The following PTPRR variants were observed in gnomAD, a reference collection of about 807,000 sequenced individuals.
PTPRR encodes the protein protein tyrosine phosphatase receptor type R, also known as receptor-type tyrosine-protein phosphatase R.
A neutral mutation model predicts 77.2 loss-of-function variants in PTPRR; 38 were observed. That is an observed-to-expected ratio of 0.49 (90% CI 0.38 to 0.65). PTPRR has a LOEUF of 0.65. Among genes scored for constraint, PTPRR ranks in the 30% least tolerant of loss-of-function variants. The pLI is 0.00. For missense variants in PTPRR, 744 were observed against 799.2 expected, an observed-to-expected ratio of 0.93 and a Z score of 0.83; for synonymous variants, 299 against 283.1, an observed-to-expected ratio of 1.06 and a Z score of -0.57.
chr12:70,740,893 A>AAC (rs1323577721), intron 6 of PTPRR, among the ~76,000 whole-genome samples: 2 of 151,778 alleles, frequency 1.3e-5, no homozygotes, highest in South Asian at 2.1e-4. Flanking sequence ...GCACCATTAG[A>AAC]ACACACATAT....
intron 2 of PTPRR, among the ~76,000 whole-genome samples, chr12:70,874,512 A>G (rs568645727): frequency 6.6e-6 from 1 of 152,238 alleles, no homozygotes; most frequent in Non-Finnish European, 1.5e-5. Context: ...CCTTTCAGTC[A>G]CAAAAACAAA....
At chr12:70,829,179 G>C (rs144335528) in intron 2 of PTPRR, among the ~76,000 whole-genome samples, 13 of 151,020 alleles carry the variant, frequency 8.6e-5, no homozygotes, top group Non-Finnish European at 1.6e-4. Flanking sequence ...GCACATAATA[G>C]GCATTCAATG....
chr12:70,871,519 G>C (rs1229308478), intron 2 of PTPRR, among the ~76,000 whole-genome samples: 1 of 152,114 alleles, frequency 6.6e-6, no homozygotes, highest in Admixed American at 6.5e-5. Context: ...ACAAGGGTAG[G>C]AATCTACAGT....
At chr12:70,761,960 AG>A (rs1890701796) in intron 3 of PTPRR, among the ~76,000 whole-genome samples, 1 of 152,218 alleles carries the variant, frequency 6.6e-6, no homozygotes. Flanking sequence ...TTATGTTTAA[AG>A]AAGCATTTTA....
intron 2 of PTPRR, among the ~76,000 whole-genome samples, chr12:70,796,164 T>C (rs895022127): frequency 6.6e-6 from 1 of 152,040 alleles, no homozygotes; most frequent in Non-Finnish European, 1.5e-5. Context: ...CCTCAGGTGA[T>C]CCACCTGCCT....
intron 2 of PTPRR, among the ~76,000 whole-genome samples, chr12:70,873,989 C>T (rs144674137): frequency 6.6e-6 from 1 of 152,130 alleles, no homozygotes; most frequent in Non-Finnish European, 1.5e-5. Flanking sequence ...CTGCTATGTG[C>T]TAAGTGGGTT....
intron 2 of PTPRR, among the ~76,000 whole-genome samples, chr12:70,871,126 C>T (rs971495279): frequency 1.3e-5 from 2 of 152,128 alleles, no homozygotes; most frequent in South Asian, 4.1e-4. Context: ...GGGTTGTAGG[C>T]TCTGCTTGAG....
At chr12:70,857,307 G>A (rs1470202738) in intron 2 of PTPRR, among the ~76,000 whole-genome samples, 2 of 152,028 alleles carry the variant, frequency 1.3e-5, no homozygotes, top group East Asian at 1.9e-4. Flanking sequence ...AAGAAGGGAG[G>A]AGTCAACAGT....
chr12:70,877,303 GATTTACTCCAAA>G (rs1945938730), intron 2 of PTPRR, among the ~76,000 whole-genome samples: 1 of 152,110 alleles, frequency 6.6e-6, no homozygotes, highest in Non-Finnish European at 1.5e-5. Context: ...ACACTTCTAA[GATTTACTCCAAA>G]ATCAGAGTAG....
intron 6 of PTPRR, among the ~76,000 whole-genome samples, chr12:70,726,103 T>A (rs1049156098): frequency 9.9e-5 from 15 of 152,158 alleles, no homozygotes; most frequent in Admixed American, 8.5e-4. Context: ...GATGCTTTTT[T>A]TTTTTGCAGT....
At chr12:70,681,331 G>A (rs1443718479) in intron 10 of PTPRR, among the ~76,000 whole-genome samples, 1 of 152,186 alleles carries the variant, frequency 6.6e-6, no homozygotes, top group African/African-American at 2.4e-5. Context: ...GATACAATGT[G>A]GGCTCCTTCT....
intron 2 of PTPRR, among the ~76,000 whole-genome samples, chr12:70,824,307 T>C (rs1892072401): frequency 1.3e-5 from 2 of 152,182 alleles, no homozygotes; most frequent in South Asian, 4.2e-4. Context: ...AATACTTTTC[T>C]TTTTTGGTAA....
chr12:70,641,225 C>T (rs779731802), intron 13 of PTPRR, among the ~76,000 whole-genome samples: 1 of 152,178 alleles, frequency 6.6e-6, no homozygotes, highest in Non-Finnish European at 1.5e-5. Flanking sequence ...CTGGCATTTG[C>T]ACAGCTCAGG....
chr12:70,853,665 C>A (rs1179906736), intron 2 of PTPRR, among the ~76,000 whole-genome samples: 1 of 152,266 alleles, frequency 6.6e-6, no homozygotes, highest in East Asian at 1.9e-4. Flanking sequence ...CCTATTGTGC[C>A]TATCCCAGGA....
intron 2 of PTPRR, among the ~76,000 whole-genome samples, chr12:70,851,823 G>A (rs1042497088): frequency 3.9e-5 from 6 of 152,186 alleles, no homozygotes; most frequent in African/African-American, 1.4e-4. Flanking sequence ...AGAAGTACAC[G>A]CTGGAATTAT....
Position 70,751,765 on chromosome 12 carries a change from C to T in PTPRR, c.738+2426G>A, listed in dbSNP as rs61932483. Among the ~76,000 whole-genome samples, 551 of 152,224 alleles carry T rather than the reference C, an allele frequency of 3.6e-3. 1 individual carries two copies. The highest frequency in any genetic ancestry group is 6.8e-3 in the Middle Eastern group (2 of 294). On this transcript the variant is annotated intron_variant, in intron 5 of 13. Coordinates refer to ENST00000283228, the MANE Select transcript of PTPRR (RefSeq NM_002849.4). Reference sequence around the variant, plus strand: ...ACCAAGTTCTCACATACCCTTCTTCCCTATCTCTTCATTTTCCCGTTATTA... The same window carrying T: ...ACCAAGTTCTCACATACCCTTCTTCTCTATCTCTTCATTTTCCCGTTATTA...
intron 2 of PTPRR, among the ~76,000 whole-genome samples, chr12:70,794,344 T>A (rs538835980): frequency 6.6e-6 from 1 of 152,214 alleles, no homozygotes; most frequent in Admixed American, 6.5e-5. Flanking sequence ...GAGCTAGAAA[T>A]AGTGATGTGT....
chr12:70,761,549 C>T lies in PTPRR; in HGVS notation c.549G>A (p.Glu183=). 3 of 1,612,462 alleles carry T rather than the reference C, an allele frequency of 1.9e-6. No homozygotes were observed. Among genetic ancestry groups the T allele is most frequent in the South Asian group, 2.2e-5 (2 of 90,868 alleles). The change falls in exon 4 of 14, where the codon GAG becomes GAA. Residue 183 remains glutamate, a synonymous_variant. Coordinates refer to ENST00000283228, the MANE Select transcript of PTPRR (RefSeq NM_002849.4). The part of the protein sequence containing the change: ...KTGISDALPS[E]EVLRSLNINV... Reference sequence around the variant, plus strand: ...TGATATTAAGTGAACGAAGAACTTCCTCAGAGGGCAGAGCATCAGAAATTC... The same window carrying T: ...TGATATTAAGTGAACGAAGAACTTCTTCAGAGGGCAGAGCATCAGAAATTC...
rs764258493 is a variant in PTPRR, at chr12:70,746,062, A to G, written c.763T>C (p.Phe255Leu). Reference sequence around the variant, plus strand: ...TTGTCTTGTCTTAAGGAAAGCTGAAATCTTTCTTTTAATCTGTAAAGAATC... The same window carrying G: ...TTGTCTTGTCTTAAGGAAAGCTGAAGTCTTTCTTTTAATCTGTAAAGAATC... ...LMILYRLKER[F>L]QLSLRQDKEK... Residue 255 changes from phenylalanine (F) to leucine (L), a missense_variant, in exon 6 of 14, where the codon TTT (phenylalanine) becomes CTT (leucine). By Grantham distance (22) the Phe-to-Leu change is conservative. Transcript: ENST00000283228. 1 of 1,612,714 alleles carries G rather than the reference A, an allele frequency of 6.2e-7. No homozygotes were observed. Among genetic ancestry groups the G allele is most frequent in the Non-Finnish European group, 8.5e-7 (1 of 1,178,972 alleles).
Sources: gnomAD v4.1 joint callset for allele counts (sites outside exome capture counted in the v4.1 genomes callset) on GRCh38, gnomAD v4.1.1 for gene constraint, MANE v1.5 for transcripts, NCBI Gene and HGNC (gene_info 2026-07-23, HGNC 2026-07-21) for gene names.